Variants in DRICH1 observed in about 807,000 individuals in gnomAD.
The protein encoded by DRICH1 is aspartate-rich protein 1.
A neutral mutation model predicts 39.5 loss-of-function variants in DRICH1; 38 were observed. That is an observed-to-expected ratio of 0.96 (90% CI 0.74 to 1.26). The LOEUF (loss-of-function observed/expected upper bound fraction) is 1.26, where lower values mean the gene tolerates loss of function less well. Ranked by LOEUF, DRICH1 falls within the 50% of genes most tolerant of loss-of-function variation. The pLI, the probability that DRICH1 is intolerant of heterozygous loss-of-function variation, is 0.00. For missense variants in DRICH1, 279 were observed against 270.4 expected, an observed-to-expected ratio of 1.03 and a Z score of -0.22; for synonymous variants, 84 against 99.5, an observed-to-expected ratio of 0.84 and a Z score of 0.93.
chr22:23,609,080 T>C (rs1312580008), intron 11 of DRICH1, among the ~76,000 whole-genome samples: 2 of 152,150 alleles, frequency 1.3e-5, no homozygotes, highest in Admixed American at 6.5e-5. Flanking sequence ...GGGAGAGGTA[T>C]GGGAGCCAGC....
chr22:23,606,274 G>C (rs1008256720), downstream of DRICH1, among the ~76,000 whole-genome samples: 6 of 152,006 alleles, frequency 3.9e-5, no homozygotes, highest in African/African-American at 1.5e-4. Flanking sequence ...AGGCTTTTGG[G>C]GCTGGACTGA....
At chr22:23,628,214 C>T (rs558104331) in intron 1 of DRICH1, among the ~76,000 whole-genome samples, 1 of 152,344 alleles carries the variant, frequency 6.6e-6, no homozygotes, top group African/African-American at 2.4e-5. Flanking sequence ...CTCCCCACCT[C>T]CCCTGCTACT....
chr22:23,626,672 G>A lies in DRICH1; in HGVS notation c.209-624C>T, dbSNP rs567319380. ...AAGAAGTTATTCCAGAGAGCAACTCGCCCAGCCTCCTACTGCAGGTGAGGC... is the reference window on the plus strand; with the variant it reads ...AAGAAGTTATTCCAGAGAGCAACTCACCCAGCCTCCTACTGCAGGTGAGGC... On this transcript the variant is annotated intron_variant, in intron 1 of 11. Transcript: ENST00000317749. Among the ~76,000 whole-genome samples the A allele has an allele frequency of 3.8e-4, 58 of 152,178 alleles. 1 individual carries two copies. In the South Asian group the frequency reaches 9.6e-3, roughly 25 times the overall value.
At chr22:23,593,591 G>C in the DRICH1 span, among the ~76,000 whole-genome samples, 1 of 152,214 alleles carries the variant, frequency 6.6e-6, no homozygotes, top group African/African-American at 2.4e-5. Flanking sequence ...ACAAGGTCAA[G>C]AGATCGAGAC....
rs368041192 is a variant in DRICH1, at chr22:23,619,413, T to A, written c.407-20A>T. The A allele has an allele frequency of 1.0e-5, 8 of 779,928 alleles. No homozygotes were observed. In the African/African-American group the frequency reaches 1.4e-4, roughly 13 times the overall value. 48.3% of individuals were successfully genotyped at this position (779,928 alleles called of 1,614,324 possible). A position where few individuals can be genotyped will look rare whatever the true frequency, so the allele number is the denominator to read the frequency against. ...AGCCACCTGCGGAGAAATGGAAAAGTTAATCTAAGACTTTAAGGAATCTCT... is the reference window on the plus strand; with the variant it reads ...AGCCACCTGCGGAGAAATGGAAAAGATAATCTAAGACTTTAAGGAATCTCT... On this transcript the variant is annotated intron_variant, in intron 5 of 11. Coordinates refer to ENST00000317749, the MANE Select transcript of DRICH1 (RefSeq NM_016449.4).
At chr22:23,591,997 T>C in the DRICH1 span, among the ~76,000 whole-genome samples, 18,472 of 151,968 alleles carry the variant, frequency 0.12, 1,517 homozygotes, top group African/African-American at 0.22. Context: ...GGAATAGGAC[T>C]CCCCCAAACC....
chr22:23,621,420 TA>T (rs112503416), intron 4 of DRICH1, among the ~76,000 whole-genome samples: 4,203 of 143,556 alleles, frequency 0.029, 68 homozygotes, highest in African/African-American at 0.049. Context: ...AAGACAACCA[TA>T]AAAAAAAAAA....
the DRICH1 span, among the ~76,000 whole-genome samples, chr22:23,582,268 C>T: frequency 7.3e-5 from 11 of 150,794 alleles, no homozygotes; most frequent in Non-Finnish European, 1.0e-4. Flanking sequence ...TGAGCCACCG[C>T]AACTGGCTTT....
intron 7 of DRICH1, among the ~76,000 whole-genome samples, chr22:23,617,365 C>T (rs1444109274): frequency 6.6e-6 from 1 of 151,890 alleles, no homozygotes; most frequent in African/African-American, 2.4e-5. Context: ...GTGCCTTGAA[C>T]CGGTCTAGGT....
At chr22:23,614,046 T>C (rs1392611964) in intron 9 of DRICH1, 89 bp downstream of exon 9, 1 of 890,080 alleles carries the variant, frequency 1.1e-6, no homozygotes, top group Non-Finnish European at 1.9e-6. Flanking sequence ...ATAATGTGCA[T>C]TGCCAGATTT....
chr22:23,593,752 C>T, the DRICH1 span, among the ~76,000 whole-genome samples: 23,147 of 151,894 alleles, frequency 0.15, 2,053 homozygotes, highest in African/African-American at 0.25. Flanking sequence ...GCCAAGATTG[C>T]GCCACTGCAC....
chr22:23,603,410 C>T, the DRICH1 span, among the ~76,000 whole-genome samples: 1 of 152,012 alleles, frequency 6.6e-6, no homozygotes, highest in Non-Finnish European at 1.5e-5. Flanking sequence ...TGGCTACCCC[C>T]ACTCTCCGCC....
the DRICH1 span, among the ~76,000 whole-genome samples, chr22:23,598,097 C>T: frequency 6.7e-6 from 1 of 150,354 alleles, no homozygotes; most frequent in Non-Finnish European, 1.5e-5. Context: ...CCCCCACCCC[C>T]ATCCCTTGGC....
At chr22:23,620,230 C>T (rs548305114) in intron 5 of DRICH1, among the ~76,000 whole-genome samples, 1 of 152,068 alleles carries the variant, frequency 6.6e-6, no homozygotes, top group African/African-American at 2.4e-5. Flanking sequence ...CATGAAGGTT[C>T]CTGGAAATGC....
the DRICH1 span, among the ~76,000 whole-genome samples, chr22:23,602,006 G>A: frequency 1.1e-5 from 1 of 88,464 alleles, no homozygotes; most frequent in Non-Finnish European, 2.4e-5. Flanking sequence ...AGCACTGTGG[G>A]AGGCTGAGAG....
the DRICH1 span, among the ~76,000 whole-genome samples, chr22:23,593,550 C>T: frequency 6.6e-6 from 1 of 152,176 alleles, no homozygotes; most frequent in Admixed American, 6.5e-5. Flanking sequence ...CCTGTAATTC[C>T]GGCACTTTGG....
intron 3 of DRICH1, 139 bp downstream of exon 3, chr22:23,624,744 G>C: frequency 9.1e-7 from 1 of 1,101,544 alleles, no homozygotes; most frequent in Non-Finnish European, 1.4e-6. Context: ...CATCCTCTCT[G>C]CTCATAATTA....
rs1290090782 is a variant in DRICH1 at position 23,619,384 on chromosome 22, TAAC to T, written c.413_415del (p.Cys138del). On this transcript the variant is annotated inframe_deletion, in exon 6 of 12. Transcript: ENST00000317749. ...CTCACAAGAACTGCTATCAAACCGG[TAAC>T]AGCCACCTGCGGAGAAATGGAAAAG... is the stretch of plus-strand genomic sequence containing the variant. 1.2e-5 allele frequency: 9 copies of T among 780,538 alleles called. No individual in the cohort carries two copies. The Admixed American group carries it at 1.5e-4, about 13-fold the overall frequency. The allele number at this position is 780,538 out of a possible 1,614,324, so 48.4% of individuals were successfully genotyped here. A position where few individuals can be genotyped will look rare whatever the true frequency, so the allele number is the denominator to read the frequency against.
the DRICH1 span, among the ~76,000 whole-genome samples, chr22:23,596,509 C>T: frequency 0.017 from 2,575 of 152,332 alleles, 61 homozygotes; most frequent in African/African-American, 0.059. Context: ...CCCACCGTGG[C>T]CTCCCCGCTC....
Sources: allele counts gnomAD v4.1 joint callset (sites outside exome capture counted in the v4.1 genomes callset), GRCh38; gene constraint gnomAD v4.1.1; transcripts MANE v1.5; gene names NCBI Gene and HGNC (gene_info 2026-07-23, HGNC 2026-07-21).